TGFA: variants seen among roughly 807,000 people sequenced by gnomAD.
TGFA encodes the protein transforming growth factor alpha, also known as protransforming growth factor alpha.
TGFA carries 12 observed loss-of-function variants against 21.7 expected under a neutral mutation model. That is an observed-to-expected ratio of 0.55 (90% confidence interval 0.35 to 0.90). TGFA has a LOEUF of 0.90. Ranked by LOEUF, TGFA falls within the 40% of genes least tolerant of loss-of-function variation. The probability of loss-of-function intolerance (pLI) is 0.01; values close to 1 mark genes in which losing one functional copy is unlikely to be tolerated. For synonymous variants in TGFA, 79 were observed against 88.1 expected (o/e 0.90, Z 0.58); for missense variants, 178 against 210.8 (o/e 0.84, Z 0.96).
In TGFA at chr2:70,451,685, A is replaced by G. The variant is rs1262475828; in HGVS notation, c.476-819T>C. 5.9e-6 allele frequency: 4 copies of G among 681,646 alleles called. No homozygotes were observed. The Admixed American group carries it at 9.3e-5, about 16-fold the overall frequency. 42.2% of individuals were successfully genotyped at this position (681,646 alleles called of 1,614,324 possible). The stretch of plus-strand genomic sequence containing the variant: ...TTACAAATTTTCTTAAAAGATTAAA[A>G]ACATTTTTCTATTGGTGCTAAAAGA... On this transcript the variant is annotated intron_variant, in intron 5 of 5. Transcript: ENST00000295400.
Position 70,450,720 on chromosome 2 carries a change from C to T in TGFA, c.*139G>A, listed in dbSNP as rs1670027588. 1.1e-6 allele frequency: 1 copy of T among 936,094 alleles called. No homozygotes were observed. Among genetic ancestry groups the T allele is most frequent in the Non-Finnish European group, 1.7e-6 (1 of 603,160 alleles). 58.0% of individuals were successfully genotyped at this position (936,094 alleles called of 1,614,324 possible). A position where few individuals can be genotyped will look rare whatever the true frequency, so the allele number is the denominator to read the frequency against. On this transcript the variant is annotated 3_prime_UTR_variant, in exon 6 of 6. Coordinates refer to ENST00000295400, the MANE Select transcript of TGFA (RefSeq NM_003236.4). ...TTCTTGACAGAGTTTTGAAGGCCCACAAAAGGCTGCACAGGTGATTACAGG... is the reference window on the plus strand; with the variant it reads ...TTCTTGACAGAGTTTTGAAGGCCCATAAAAGGCTGCACAGGTGATTACAGG...
chr2:70,466,028 C>CGG (rs1447662547), intron 2 of TGFA, among the ~76,000 whole-genome samples: 1 of 152,194 alleles, frequency 6.6e-6, no homozygotes, highest in Non-Finnish European at 1.5e-5. Flanking sequence ...AACACAAGAG[C>CGG]TACCTAATTT....
intron 1 of TGFA, among the ~76,000 whole-genome samples, chr2:70,551,598 T>C (rs1673511051): frequency 6.6e-6 from 1 of 152,180 alleles, no homozygotes. Context: ...AGTAAAGCTA[T>C]ATGTGGGAGG....
intron 1 of TGFA, 61 bp downstream of exon 1, chr2:70,553,665 GGC>G: frequency 1.5e-6 from 2 of 1,329,914 alleles, no homozygotes; most frequent in South Asian, 2.1e-5. Flanking sequence ...AGGGGAACTC[GGC>G]GGGGACCGGG....
intron 1 of TGFA, among the ~76,000 whole-genome samples, chr2:70,521,635 T>TC (rs1224637795): frequency 6.9e-5 from 10 of 145,474 alleles, no homozygotes; most frequent in Non-Finnish European, 1.2e-4. Context: ...TTTTTTTTTT[T>TC]TTTGAGTCTC....
chr2:70,500,163 G>T lies in TGFA; in HGVS notation c.94+14696C>A, dbSNP rs573543207. Among the ~76,000 whole-genome samples the T allele has an allele frequency of 2.9e-4, 44 of 152,250 alleles. 1 individual carries two copies. The highest frequency in any genetic ancestry group is 1.0e-3 in the African/African-American group (43 of 41,556). ...TGTCAAGCACTCCACAGCTGCATGT[G>T]GCTGCCATATTGGACGATGCAGTTC... On this transcript the variant is annotated intron_variant, in intron 2 of 5. Coordinates refer to ENST00000295400, the MANE Select transcript of TGFA (RefSeq NM_003236.4).
chr2:70,473,766 C>T (rs1300333841), intron 2 of TGFA, among the ~76,000 whole-genome samples: 3 of 152,078 alleles, frequency 2.0e-5, no homozygotes, highest in Non-Finnish European at 2.9e-5. Context: ...ATCTTTTAAA[C>T]GATGGATATA....
chr2:70,536,561 C>A (rs1479269051), intron 1 of TGFA, among the ~76,000 whole-genome samples: 1 of 152,090 alleles, frequency 6.6e-6, no homozygotes, highest in Non-Finnish European at 1.5e-5. Flanking sequence ...TGAAAAATCC[C>A]CCAGTACTGG....
intron 2 of TGFA, among the ~76,000 whole-genome samples, chr2:70,492,791 C>T (rs1447742805): frequency 2.6e-5 from 4 of 152,108 alleles, no homozygotes. Context: ...AACTACGACC[C>T]TTTTACATGT....
At position 70,521,617 on chromosome 2, in the gene TGFA, G is replaced by GTTTTTTTTTTTTTTTT. The variant is rs35177436; in HGVS notation, c.41-6721_41-6706dup. The stretch of plus-strand genomic sequence containing the variant: ...TAGTTTTTTTTGTTGTTGTTTGTTT[G>GTTTTTTTTTTTTTTTT]TTTTTTTTTTTTTTTTTTTTTGAGT... On this transcript the variant is annotated intron_variant, in intron 1 of 5. Transcript: ENST00000295400. Among the ~76,000 whole-genome samples the GTTTTTTTTTTTTTTTT allele has an allele frequency of 1.1e-3, 95 of 87,082 alleles. 1 individual carries two copies. The highest frequency in any genetic ancestry group is 1.9e-3 in the East Asian group (5 of 2,652). The allele number at this position is 87,082 out of a possible 152,430, so 57.1% of individuals were successfully genotyped here. A position where few individuals can be genotyped will look rare whatever the true frequency, so the allele number is the denominator to read the frequency against.
intron 3 of TGFA, among the ~76,000 whole-genome samples, chr2:70,457,504 T>C (rs1670270947): frequency 6.6e-6 from 1 of 151,972 alleles, no homozygotes; most frequent in Admixed American, 6.6e-5. Context: ...TTATCGTCAA[T>C]AGAAATCTAA....
intron 2 of TGFA, among the ~76,000 whole-genome samples, chr2:70,478,807 G>A (rs1323030515): frequency 1.3e-5 from 2 of 151,928 alleles, no homozygotes; most frequent in Non-Finnish European, 2.9e-5. Flanking sequence ...TGCCTTTTTT[G>A]TCTTTTGTAT....
intron 2 of TGFA, among the ~76,000 whole-genome samples, chr2:70,481,576 G>A (rs1671121772): frequency 6.6e-6 from 1 of 152,118 alleles, no homozygotes; most frequent in Admixed American, 6.5e-5. Flanking sequence ...AGCTCCCAAT[G>A]ATCCCTACCT....
At chr2:70,538,022 A>G (rs1282856855) in intron 1 of TGFA, among the ~76,000 whole-genome samples, 1 of 152,204 alleles carries the variant, frequency 6.6e-6, no homozygotes, top group Non-Finnish European at 1.5e-5. Context: ...GTTGAAGCCA[A>G]TGTTCATTTA....
intron 2 of TGFA, among the ~76,000 whole-genome samples, chr2:70,492,604 A>T (rs927390623): frequency 2.0e-5 from 3 of 152,228 alleles, no homozygotes; most frequent in Non-Finnish European, 4.4e-5. Context: ...ATTCAGGCCC[A>T]GGCTTCTGTT....
chr2:70,545,310 G>A (rs1673266211), intron 1 of TGFA, among the ~76,000 whole-genome samples: 1 of 152,202 alleles, frequency 6.6e-6, no homozygotes, highest in African/African-American at 2.4e-5. Context: ...AGCATATTGT[G>A]TCTCATTTTA....
intron 2 of TGFA, among the ~76,000 whole-genome samples, chr2:70,504,588 G>A (rs541665715): frequency 7.3e-5 from 11 of 150,654 alleles, no homozygotes; most frequent in African/African-American, 2.7e-4. Flanking sequence ...ATACTCACAT[G>A]TGCATTGGTA....
intron 2 of TGFA, among the ~76,000 whole-genome samples, chr2:70,514,358 A>G (rs974445401): frequency 2.0e-5 from 3 of 152,110 alleles, no homozygotes; most frequent in African/African-American, 4.8e-5. Flanking sequence ...TTTGCCTCCT[A>G]CATGTCCCAA....
At chr2:70,534,138 C>A (rs1385643708) in intron 1 of TGFA, among the ~76,000 whole-genome samples, 1 of 152,228 alleles carries the variant, frequency 6.6e-6, no homozygotes, top group Admixed American at 6.5e-5. Context: ...GAAGTTCTTA[C>A]ATACAAGTAA....
Sources: gnomAD v4.1 joint callset for allele counts (sites outside exome capture counted in the v4.1 genomes callset) on GRCh38, gnomAD v4.1.1 for gene constraint, MANE v1.5 for transcripts, NCBI Gene and HGNC (gene_info 2026-07-23, HGNC 2026-07-21) for gene names.